FGF10: variants seen among roughly 807,000 people sequenced by gnomAD.
FGF10 encodes fibroblast growth factor 10.
Under a neutral mutation model 19.8 loss-of-function variants are expected in FGF10, and 2 were observed. The ratio of observed to expected loss-of-function variants is 0.10; its 90% CI spans 0.04 to 0.32. The LOEUF is 0.32. FGF10 is among the 10% of genes least tolerant of loss of function. FGF10 has a pLI of 1.00. For missense variants in FGF10, 191 were observed against 246.3 expected (o/e 0.78, Z 1.50); for synonymous variants, 112 against 94.0 (o/e 1.19, Z -1.10).
chr5:44,374,117 G>A (rs1473625819), intron 1 of FGF10, among the ~76,000 whole-genome samples: 1 of 152,124 alleles, frequency 6.6e-6, no homozygotes, highest in Non-Finnish European at 1.5e-5. Flanking sequence ...GAGACAATCT[G>A]TTCCTTTCCT....
At chr5:44,378,987 A>T (rs560372412) in intron 1 of FGF10, among the ~76,000 whole-genome samples, 45 of 152,188 alleles carry the variant, frequency 3.0e-4, no homozygotes, top group Non-Finnish European at 5.6e-4. Context: ...TCCAGCCTCA[A>T]TGTGCCTTCT....
At chr5:44,347,005 T>C (rs1407643872) in intron 1 of FGF10, among the ~76,000 whole-genome samples, 3 of 151,800 alleles carry the variant, frequency 2.0e-5, no homozygotes, top group Admixed American at 6.6e-5. Flanking sequence ...TTTGAAAAAT[T>C]TATTTCTGTT....
intron 1 of FGF10, among the ~76,000 whole-genome samples, chr5:44,346,144 CACTT>C (rs1741084886): frequency 6.6e-6 from 1 of 151,620 alleles, no homozygotes; most frequent in Non-Finnish European, 1.5e-5. Flanking sequence ...AAAACAACAC[CACTT>C]ACTCTTTTCC....
At chr5:44,347,487 A>C (rs1741115040) in intron 1 of FGF10, among the ~76,000 whole-genome samples, 2 of 151,764 alleles carry the variant, frequency 1.3e-5, no homozygotes, top group African/African-American at 2.4e-5. Flanking sequence ...GGGCAGTATG[A>C]ATAGAACTTC....
chr5:44,388,219 G>A (rs1742150855), intron 1 of FGF10, 139 bp downstream of exon 1: 2 of 833,114 alleles, frequency 2.4e-6, no homozygotes, highest in Non-Finnish European at 4.0e-6. Context: ...GTGAATTAGT[G>A]TGAAAGTATT....
chr5:44,304,971 T>C lies in FGF10; in HGVS notation c.*24A>G. On this transcript the variant is annotated 3_prime_UTR_variant, in exon 3 of 3. Transcript: ENST00000264664. ...TTGGCAAAAGAGCCATTGGTTCTAC[T>C]GCATCCACAAACGTTGCCTTCCTCT... 1 of 1,610,140 alleles carries C rather than the reference T, an allele frequency of 6.2e-7. No homozygotes were observed. The highest frequency in any genetic ancestry group is 8.5e-7 in the Non-Finnish European group (1 of 1,176,468).
chr5:44,323,827 G>C (rs1288801794), intron 1 of FGF10, among the ~76,000 whole-genome samples: 1 of 152,038 alleles, frequency 6.6e-6, no homozygotes, highest in Non-Finnish European at 1.5e-5. Flanking sequence ...TTGAGAAAGT[G>C]CTCATGCCCT....
At chr5:44,335,578 A>G (rs1378103997) in intron 1 of FGF10, among the ~76,000 whole-genome samples, 1 of 152,112 alleles carries the variant, frequency 6.6e-6, no homozygotes, top group Non-Finnish European at 1.5e-5. Context: ...AGTGTTATTA[A>G]GAAAGGCCAA....
chr5:44,373,358 G>A (rs2111891510), intron 1 of FGF10, among the ~76,000 whole-genome samples: 1 of 152,232 alleles, frequency 6.6e-6, no homozygotes, highest in East Asian at 1.9e-4. Context: ...AGCATCTTTT[G>A]CAATCTGGAT....
chr5:44,305,971 GT>G (rs1323077331), intron 2 of FGF10, among the ~76,000 whole-genome samples: 1 of 152,122 alleles, frequency 6.6e-6, no homozygotes, highest in African/African-American at 2.4e-5. Context: ...TAGAGCTTTG[GT>G]TTTGTTCAGG....
chr5:44,319,687 G>GA (rs1740437810), intron 1 of FGF10, among the ~76,000 whole-genome samples: 2 of 152,058 alleles, frequency 1.3e-5, no homozygotes, highest in African/African-American at 4.8e-5. Flanking sequence ...TTACTTAGTG[G>GA]GTAATCATAA....
intron 1 of FGF10, among the ~76,000 whole-genome samples, chr5:44,369,036 G>T (rs1741685752): frequency 6.6e-6 from 1 of 151,998 alleles, no homozygotes; most frequent in Non-Finnish European, 1.5e-5. Flanking sequence ...GATATTCCAT[G>T]AATTATATGG....
At chr5:44,326,039 C>T (rs943850634) in intron 1 of FGF10, among the ~76,000 whole-genome samples, 18 of 151,946 alleles carry the variant, frequency 1.2e-4, no homozygotes, top group Non-Finnish European at 2.4e-4. Flanking sequence ...GGTCAAAAAG[C>T]ATTTAAAAAT....
At chr5:44,339,041 G>T (rs1740911454) in intron 1 of FGF10, among the ~76,000 whole-genome samples, 1 of 152,168 alleles carries the variant, frequency 6.6e-6, no homozygotes, top group South Asian at 2.1e-4. Flanking sequence ...ATTTTAAACA[G>T]CTTCTTTCCT....
intron 1 of FGF10, among the ~76,000 whole-genome samples, chr5:44,371,323 C>T (rs73752012): frequency 6.6e-6 from 1 of 152,200 alleles, no homozygotes; most frequent in African/African-American, 2.4e-5. Context: ...ACAGATGCGG[C>T]TCCATGACTT....
At chr5:44,384,732 A>C (rs890278663) in intron 1 of FGF10, among the ~76,000 whole-genome samples, 9 of 152,122 alleles carry the variant, frequency 5.9e-5, no homozygotes, top group Non-Finnish European at 1.3e-4. Context: ...TATGACTATT[A>C]AATGAAGTGT....
At chr5:44,323,340 G>A (rs186554122) in intron 1 of FGF10, among the ~76,000 whole-genome samples, 5 of 152,146 alleles carry the variant, frequency 3.3e-5, no homozygotes, top group African/African-American at 4.8e-5. Flanking sequence ...ATAGAAATTA[G>A]TTTAAAGGGT....
chr5:44,382,561 C>A (rs1742007812), intron 1 of FGF10, among the ~76,000 whole-genome samples: 1 of 152,130 alleles, frequency 6.6e-6, no homozygotes, highest in South Asian at 2.1e-4. Context: ...ATAAAGGTAA[C>A]ATGCACTGAG....
At chr5:44,327,790 G>A (rs1447910159) in intron 1 of FGF10, among the ~76,000 whole-genome samples, 2 of 152,160 alleles carry the variant, frequency 1.3e-5, no homozygotes, top group African/African-American at 4.8e-5. Context: ...AAGACTACTA[G>A]GAAGCACACA....
Sources: gnomAD v4.1 joint callset for allele counts (sites outside exome capture counted in the v4.1 genomes callset) on GRCh38, gnomAD v4.1.1 for gene constraint, MANE v1.5 for transcripts, NCBI Gene and HGNC (gene_info 2026-07-23, HGNC 2026-07-21) for gene names.